The following LIFR variants were observed in gnomAD, a reference collection of about 807,000 sequenced individuals.
The protein encoded by LIFR is LIF receptor subunit alpha.
In LIFR, 84 loss-of-function variants were observed where a neutral mutation model predicts 122.2. The ratio of observed to expected loss-of-function variants is 0.69; its 90% confidence interval spans 0.58 to 0.82. LIFR has a LOEUF of 0.82. LIFR is among the 40% of genes least tolerant of loss of function. LIFR has a pLI of 0.00. For missense variants in LIFR, 1,294 were observed against 1,311.6 expected, an observed-to-expected ratio of 0.99 and a Z score of 0.21; for synonymous variants, 422 against 434.7, an observed-to-expected ratio of 0.97 and a Z score of 0.36.
At chr5:38,490,385 C>T (rs1744519192) in intron 14 of LIFR, 94 bp from the exon 15 acceptor site, 2 of 543,212 alleles carry the variant, frequency 3.7e-6, no homozygotes, top group Non-Finnish European at 6.6e-6. Flanking sequence ...CTAAAATTTC[C>T]AAAGCTAATT....
upstream of LIFR, among the ~76,000 whole-genome samples, chr5:38,597,242 A>G (rs1052070617): frequency 2.6e-5 from 4 of 152,234 alleles, no homozygotes; most frequent in Admixed American, 6.5e-5. Context: ...TGGTCCAGAC[A>G]AGATTGTTCT....
At chr5:38,567,247 C>T (rs1415870079) in intron 1 of LIFR, among the ~76,000 whole-genome samples, 3 of 152,030 alleles carry the variant, frequency 2.0e-5, no homozygotes, top group African/African-American at 7.2e-5. Flanking sequence ...GAATGCAGAC[C>T]CTCAGAGAAG....
chr5:38,589,237 T>C (rs1410602684), intron 1 of LIFR, among the ~76,000 whole-genome samples: 1 of 152,024 alleles, frequency 6.6e-6, no homozygotes, highest in Non-Finnish European at 1.5e-5. Flanking sequence ...AGCTCTATGT[T>C]ACTGATCTCA....
At chr5:38,554,753 GGA>G (rs1339523013) in intron 1 of LIFR, among the ~76,000 whole-genome samples, 1 of 152,174 alleles carries the variant, frequency 6.6e-6, no homozygotes, top group East Asian at 1.9e-4. Context: ...GAACATGATG[GGA>G]GAGAGGTATA....
intron 15 of LIFR, 33 bp downstream of exon 15, chr5:38,490,157 G>T: frequency 1.1e-6 from 1 of 925,622 alleles, no homozygotes; most frequent in Non-Finnish European, 1.7e-6. Flanking sequence ...ATGTTGCCTT[G>T]AGCTCTTATA....
At position 38,585,162 on chromosome 5, in the gene LIFR, A is replaced by G. The variant is rs143935243; in HGVS notation, c.-20+10099T>C. Among the ~76,000 whole-genome samples the G allele has an allele frequency of 2.0e-5, 3 of 152,372 alleles. No homozygotes were observed. The East Asian group carries it at 5.8e-4, about 29-fold the overall frequency. On this transcript the variant is annotated intron_variant, in intron 1 of 19. Coordinates refer to the LIFR transcript ENST00000263409. ...CTTAAATCAAAAATTAAAGAAATAA[A>G]GAGAATTTAAGTTGCGTGCTTTAGA...
chr5:38,512,042 A>G, intron 5 of LIFR, 78 bp from the exon 6 acceptor site: 1 of 1,379,916 alleles, frequency 7.2e-7, no homozygotes, highest in Non-Finnish European at 1.0e-6. Flanking sequence ...AAAAGACACA[A>G]TAGATTCCAT....
intron 1 of LIFR, among the ~76,000 whole-genome samples, chr5:38,551,860 C>T (rs1024155719): frequency 6.6e-6 from 1 of 152,200 alleles, no homozygotes; most frequent in African/African-American, 2.4e-5. Flanking sequence ...CCAGCAGCAA[C>T]ATCCTATAAG....
At chr5:38,537,215 C>T (rs1049445712) in intron 1 of LIFR, among the ~76,000 whole-genome samples, 54 of 152,182 alleles carry the variant, frequency 3.5e-4, no homozygotes, top group African/African-American at 1.2e-3. Context: ...ATACTGTGGG[C>T]ACAGCCCTTC....
chr5:38,551,793 A>T (rs1425086716), intron 1 of LIFR, among the ~76,000 whole-genome samples: 1 of 152,248 alleles, frequency 6.6e-6, no homozygotes. Context: ...TCAACTTCCA[A>T]CATGAAAGCA....
chr5:38,559,138 T>C (rs1426073232), upstream of LIFR: 2 of 152,252 alleles, frequency 1.3e-5, no homozygotes, highest in East Asian at 3.8e-4. Flanking sequence ...CTGTGTGAGC[T>C]TCACAGAAGA....
intron 1 of LIFR, among the ~76,000 whole-genome samples, chr5:38,586,017 C>T (rs1749735835): frequency 1.3e-5 from 2 of 152,242 alleles, no homozygotes; most frequent in Admixed American, 6.5e-5. Context: ...TGTAGCATCA[C>T]TTTTGGTTAC....
intron 12 of LIFR, among the ~76,000 whole-genome samples, chr5:38,496,803 C>A (rs1174858036): frequency 1.3e-5 from 2 of 151,028 alleles, no homozygotes; most frequent in Non-Finnish European, 2.9e-5. Flanking sequence ...ATGGTGAAAC[C>A]CAGTCTCTCC....
intron 3 of LIFR, 156 bp downstream of exon 3, chr5:38,528,570 C>T (rs996062560): frequency 2.1e-5 from 14 of 673,716 alleles, no homozygotes; most frequent in African/African-American, 3.6e-5. Context: ...TGGTGCCCTA[C>T]AGGAGAAAAA....
chr5:38,506,460 A>G (rs1260125154), intron 8 of LIFR, 43 bp downstream of exon 8: 2 of 1,611,912 alleles, frequency 1.2e-6, no homozygotes, highest in African/African-American at 1.3e-5. Context: ...TGCACTTCCA[A>G]CGTACTCCTT....
chr5:38,581,413 C>T (rs977444257), intron 1 of LIFR, among the ~76,000 whole-genome samples: 1 of 152,188 alleles, frequency 6.6e-6, no homozygotes, highest in Non-Finnish European at 1.5e-5. Flanking sequence ...GAACTTCTCA[C>T]CATTCCGCAA....
rs1050718642 is a variant in LIFR, at chr5:38,480,242, T to C, written c.*1353A>G. ...ATAGGCAACCTGAGGGCAGGGAAAA[T>C]ACAAGATACACTTTTTAGTTTTTCC... On this transcript the variant is annotated 3_prime_UTR_variant, in exon 20 of 20. Coordinates refer to ENST00000453190, the MANE Select transcript of LIFR (RefSeq NM_001127671.2). 4.4e-6 allele frequency: 1 copy of C among 227,316 alleles called. No individual in the cohort carries two copies. Among genetic ancestry groups the C allele is most frequent in the African/African-American group, 2.2e-5 (1 of 44,988 alleles). 14.1% of individuals were successfully genotyped at this position (227,316 alleles called of 1,614,324 possible).
Position 38,523,500 on chromosome 5 carries a change from CCT to C in LIFR, c.478_479del (p.Arg160GlyfsTer15), listed in dbSNP as rs1242667371. 4 of 1,612,870 alleles carry C rather than the reference CCT, an allele frequency of 2.5e-6. No homozygotes were observed. The highest frequency in any genetic ancestry group is 1.3e-5 in the African/African-American group (1 of 74,840). On this transcript the variant is annotated frameshift_variant, in exon 5 of 20. Transcript: ENST00000453190. LOFTEE classifies it high-confidence loss of function. ...TTGAGCGGTGTGGAAAAACTGAACC[CCT>C]GTCGTTCCACTTTAGGTATAATGTA... ...TSTLYLKWND[R>X]GSVFPHRSNV...
chr5:38,501,266 T>TA lies in LIFR; in HGVS notation c.1600+1370dup, dbSNP rs1274222761. ...CATGCATAGCTTTCACTTTTGATGA[T>TA]ACAAGTAATTCTTACACATGTCGCA... On this transcript the variant is annotated intron_variant, in intron 11 of 19. Coordinates refer to ENST00000453190, the MANE Select transcript of LIFR (RefSeq NM_001127671.2). Among the ~76,000 whole-genome samples the TA allele has an allele frequency of 1.3e-5, 2 of 152,242 alleles. 1 individual carries two copies. The highest frequency in any genetic ancestry group is 3.8e-4 in the East Asian group (2 of 5,204).
Sources: gnomAD v4.1 joint callset for allele counts (sites outside exome capture counted in the v4.1 genomes callset) on GRCh38, gnomAD v4.1.1 for gene constraint, MANE v1.5 for transcripts, NCBI Gene and HGNC (gene_info 2026-07-23, HGNC 2026-07-21) for gene names.